The following RBFOX1 variants were observed in gnomAD, a reference collection of about 807,000 sequenced individuals.
RBFOX1 encodes RNA binding protein fox-1 homolog 1.
A neutral mutation model predicts 57.7 loss-of-function variants in RBFOX1; 8 were observed. The observed-to-expected ratio is 0.14, with a 90% CI of 0.08 to 0.25. The LOEUF (loss-of-function observed/expected upper bound fraction) is 0.25, where lower values mean the gene tolerates loss of function less well. Ranked by LOEUF, RBFOX1 falls within the 10% of genes least tolerant of loss-of-function variation. The probability of loss-of-function intolerance (pLI) is 1.00; values close to 1 mark genes in which losing one functional copy is unlikely to be tolerated. For missense variants in RBFOX1, 611 were observed against 548.5 expected, an observed-to-expected ratio of 1.11 and a Z score of -1.14; for synonymous variants, 326 against 222.4, an observed-to-expected ratio of 1.47 and a Z score of -4.15.
chr16:5,708,577 C>CCCA (rs1287567571), intron 3 of RBFOX1, among the ~76,000 whole-genome samples: 1 of 152,124 alleles, frequency 6.6e-6, no homozygotes, highest in Non-Finnish European at 1.5e-5. Flanking sequence ...GCAGCTGACC[C>CCCA]CCACCACCTC....
intron 11 of RBFOX1, 141 bp downstream of exon 11, chr16:7,630,824 G>C: frequency 1.4e-6 from 2 of 1,454,498 alleles, no homozygotes; most frequent in South Asian, 2.9e-5. Flanking sequence ...ATTTTCATAA[G>C]CATGTCTGTC....
At chr16:6,469,164 C>A (rs190932735) in intron 2 of RBFOX1, among the ~76,000 whole-genome samples, 1 of 151,900 alleles carries the variant, frequency 6.6e-6, no homozygotes, top group Non-Finnish European at 1.5e-5. Flanking sequence ...TGAAGAGATC[C>A]TGGTAGAAAA....
intron 3 of RBFOX1, among the ~76,000 whole-genome samples, chr16:6,872,234 T>G (rs1210563458): frequency 6.6e-6 from 1 of 152,100 alleles, no homozygotes; most frequent in Non-Finnish European, 1.5e-5. Flanking sequence ...ATAGTAGAGA[T>G]TTAATAATTG....
At chr16:5,841,827 G>T (rs1209552226) in intron 3 of RBFOX1, among the ~76,000 whole-genome samples, 1 of 152,174 alleles carries the variant, frequency 6.6e-6, no homozygotes, top group Non-Finnish European at 1.5e-5. Context: ...CAGACTAAAA[G>T]AATCAGAAAT....
At chr16:7,178,041 T>G (rs1392342749) in intron 4 of RBFOX1, among the ~76,000 whole-genome samples, 2 of 152,220 alleles carry the variant, frequency 1.3e-5, no homozygotes, top group Non-Finnish European at 2.9e-5. Flanking sequence ...CCATGTACAC[T>G]TGTACTGTTG....
At chr16:6,161,049 C>T (rs1161022170) in intron 1 of RBFOX1, among the ~76,000 whole-genome samples, 1 of 152,180 alleles carries the variant, frequency 6.6e-6, no homozygotes, top group African/African-American at 2.4e-5. Flanking sequence ...TGCAGCCCTG[C>T]CCCTTGAACA....
intron 11 of RBFOX1, among the ~76,000 whole-genome samples, chr16:7,635,805 T>G (rs931950440): frequency 1.3e-5 from 2 of 152,126 alleles, no homozygotes; most frequent in African/African-American, 4.8e-5. Flanking sequence ...CTTTTTATTT[T>G]ATTTATTTAT....
chr16:7,503,263 C>T (rs2071610320), intron 4 of RBFOX1, among the ~76,000 whole-genome samples: 1 of 152,156 alleles, frequency 6.6e-6, no homozygotes, highest in Non-Finnish European at 1.5e-5. Context: ...CCGTAGTCAG[C>T]AACGTTCACG....
chr16:5,430,982 C>A (rs1191597151), intron 1 of RBFOX1, among the ~76,000 whole-genome samples: 3 of 152,178 alleles, frequency 2.0e-5, no homozygotes, highest in Admixed American at 6.5e-5. Context: ...GACTGGTCCC[C>A]CATCTACTGC....
intron 3 of RBFOX1, among the ~76,000 whole-genome samples, chr16:7,012,655 A>G (rs17142004): frequency 0.022 from 3,377 of 152,296 alleles, 130 homozygotes; most frequent in African/African-American, 0.077. Context: ...ACCTTTCTTT[A>G]TTATGGGACA....
chr16:5,996,042 T>A (rs183450653), intron 4 of RBFOX1, among the ~76,000 whole-genome samples: 2 of 152,116 alleles, frequency 1.3e-5, no homozygotes, highest in African/African-American at 4.8e-5. Flanking sequence ...GGGACCTCTT[T>A]TATAAGAGTA....
intron 3 of RBFOX1, among the ~76,000 whole-genome samples, chr16:5,780,365 A>G (rs2054286870): frequency 6.6e-6 from 1 of 152,210 alleles, no homozygotes; most frequent in Admixed American, 6.5e-5. Context: ...GGTACAGGAA[A>G]GGATAGAGAC....
intron 4 of RBFOX1, among the ~76,000 whole-genome samples, chr16:5,902,448 C>G (rs190245391): frequency 2.4e-4 from 36 of 152,168 alleles, no homozygotes; most frequent in African/African-American, 8.4e-4. Flanking sequence ...GAGTCTTGCT[C>G]TGACACCCAG....
At chr16:5,452,094 T>A (rs963968128) in intron 1 of RBFOX1, among the ~76,000 whole-genome samples, 23 of 150,850 alleles carry the variant, frequency 1.5e-4, no homozygotes, top group Middle Eastern at 3.4e-3. Flanking sequence ...TTCCTGATTC[T>A]GATTTATCTC....
intron 1 of RBFOX1, among the ~76,000 whole-genome samples, chr16:5,326,282 CT>C (rs1232367502): frequency 1.3e-5 from 2 of 152,166 alleles, no homozygotes; most frequent in East Asian, 3.9e-4. Flanking sequence ...AAACTAACAG[CT>C]TTCGGATGTA....
chr16:7,072,969 C>G (rs77566960), intron 4 of RBFOX1, among the ~76,000 whole-genome samples: 2,700 of 152,296 alleles, frequency 0.018, 87 homozygotes, highest in African/African-American at 0.061. Context: ...GCCCTGAGTT[C>G]TTGGCTGAGG....
chr16:6,618,851 C>G (rs1240463328), intron 2 of RBFOX1, among the ~76,000 whole-genome samples: 1 of 152,176 alleles, frequency 6.6e-6, no homozygotes, highest in African/African-American at 2.4e-5. Context: ...AAATTCACCT[C>G]TTTGGACCCT....
rs373969807 is a variant in RBFOX1 at position 5,708,314 on chromosome 16, A to G, written c.318+109353A>G. 2.8e-4 allele frequency among the ~76,000 whole-genome samples: 43 copies of G among 152,288 alleles called. 1 individual carries two copies. The South Asian group carries it at 8.5e-3, about 30-fold the overall frequency. ...TGAGGCACTGTCCTAGGTGTTAGAG[A>G]TAAAGGACAAAAAGACATAGTCCTG... On this transcript the variant is annotated intron_variant, in intron 3 of 19. Transcript: ENST00000641259.
intron 2 of RBFOX1, among the ~76,000 whole-genome samples, chr16:6,620,807 G>A (rs1007073572): frequency 2.0e-5 from 3 of 152,170 alleles, no homozygotes; most frequent in Non-Finnish European, 1.5e-5. Flanking sequence ...TTTACAGGAA[G>A]AAATTTGTTT....
Sources: gnomAD v4.1 joint callset for allele counts (sites outside exome capture counted in the v4.1 genomes callset) on GRCh38, gnomAD v4.1.1 for gene constraint, MANE v1.5 for transcripts, NCBI Gene and HGNC (gene_info 2026-07-23, HGNC 2026-07-21) for gene names.